The following LGR6 variants were observed in gnomAD, a reference collection of about 807,000 sequenced individuals.
LGR6 encodes leucine rich repeat containing G protein-coupled receptor 6.
A neutral mutation model predicts 69.4 loss-of-function variants in LGR6; 45 were observed. That is an observed-to-expected ratio of 0.65 (90% CI 0.51 to 0.83). The LOEUF is 0.83. LGR6 is among the 40% of genes least tolerant of loss of function. The probability of loss-of-function intolerance (pLI) is 0.00; values close to 1 mark genes in which losing one functional copy is unlikely to be tolerated. For synonymous variants in LGR6, 538 were observed against 555.0 expected (o/e 0.97, Z 0.43); for missense variants, 1,108 against 1,246.7 (o/e 0.89, Z 1.68).
At chr1:202,284,542 A>AGGTACC (rs1238935454) in intron 6 of LGR6, among the ~76,000 whole-genome samples, 1 of 152,192 alleles carries the variant, frequency 6.6e-6, no homozygotes, top group Non-Finnish European at 1.5e-5. Context: ...CAGATCAATC[A>AGGTACC]TAGGACTTCC....
At position 202,243,882 on chromosome 1, in the gene LGR6, G is replaced by A. The variant is rs143195836; in HGVS notation, c.428+7889G>A. 5.9e-5 allele frequency among the ~76,000 whole-genome samples: 9 copies of A among 152,280 alleles called. No individual in the cohort carries two copies. In the East Asian group the frequency reaches 1.2e-3, roughly 20 times the overall value. On this transcript the variant is annotated intron_variant, in intron 4 of 17. Coordinates refer to ENST00000367278, the MANE Select transcript of LGR6 (RefSeq NM_001017403.2). ...CATGGGGTTGGTGGTAGGGGCAGGC[G>A]GCGACAAGGAAATTGTCCTTGGGTG...
At chr1:202,227,907 C>T in intron 2 of LGR6, 29 bp from the exon 3 acceptor site, 1 of 1,571,026 alleles carries the variant, frequency 6.4e-7, no homozygotes, top group Non-Finnish European at 8.8e-7. Flanking sequence ...TACCTGCCAA[C>T]ATCGCTGACC....
intron 6 of LGR6, among the ~76,000 whole-genome samples, chr1:202,290,417 A>T (rs2148217465): frequency 1.3e-5 from 2 of 152,208 alleles, no homozygotes; most frequent in African/African-American, 2.4e-5. Context: ...TCTCCCTAAA[A>T]TTTTTTTGTT....
intron 1 of LGR6, among the ~76,000 whole-genome samples, chr1:202,224,751 C>T (rs1660394869): frequency 6.6e-6 from 1 of 152,180 alleles, no homozygotes; most frequent in South Asian, 2.1e-4. Context: ...TGCTCACCAG[C>T]CTGCTCACCT....
At chr1:202,299,916 C>G (rs1281905241) in intron 7 of LGR6, among the ~76,000 whole-genome samples, 1 of 152,204 alleles carries the variant, frequency 6.6e-6, no homozygotes, top group Non-Finnish European at 1.5e-5. Flanking sequence ...CCCAACTAAC[C>G]AAACACATAA....
intron 16 of LGR6, among the ~76,000 whole-genome samples, chr1:202,313,828 C>T (rs1294757452): frequency 1.3e-5 from 2 of 152,144 alleles, no homozygotes; most frequent in Non-Finnish European, 2.9e-5. Context: ...AAAAATTTGT[C>T]TTTTCTTTAT....
chr1:202,316,106 A>T (rs775073426), intron 17 of LGR6, among the ~76,000 whole-genome samples: 2 of 152,256 alleles, frequency 1.3e-5, no homozygotes, highest in Admixed American at 6.5e-5. Flanking sequence ...TGACTTAAAG[A>T]GAACGAGAAA....
chr1:202,302,398 G>A (rs1212326944), intron 9 of LGR6, among the ~76,000 whole-genome samples: 1 of 152,102 alleles, frequency 6.6e-6, no homozygotes, highest in Non-Finnish European at 1.5e-5. Context: ...ACCCCACGCT[G>A]CCTCCTCAGG....
chr1:202,313,647 A>AT (rs1279986544), intron 16 of LGR6, among the ~76,000 whole-genome samples: 1 of 152,248 alleles, frequency 6.6e-6, no homozygotes, highest in Non-Finnish European at 1.5e-5. Flanking sequence ...CTGGTGCCGA[A>AT]TAAGAACTCA....
intron 5 of LGR6, among the ~76,000 whole-genome samples, chr1:202,278,684 A>G (rs550331031): frequency 6.6e-6 from 1 of 152,254 alleles, no homozygotes; most frequent in South Asian, 2.1e-4. Context: ...CCCAAGAGGA[A>G]GGTAAGGAAG....
At chr1:202,224,042 G>A (rs769925171) in intron 1 of LGR6, among the ~76,000 whole-genome samples, 9 of 151,940 alleles carry the variant, frequency 5.9e-5, no homozygotes, top group Non-Finnish European at 1.2e-4. Context: ...TTATAGATGA[G>A]GTCAACTAGG....
At chr1:202,204,442 CA>C (rs1405551796) in intron 1 of LGR6, among the ~76,000 whole-genome samples, 25 of 92,170 alleles carry the variant, frequency 2.7e-4, no homozygotes, top group Non-Finnish European at 3.4e-4. Context: ...CACACACACA[CA>C]CCTCCACACA....
At chr1:202,300,388 T>C (rs1255624425) in intron 7 of LGR6, among the ~76,000 whole-genome samples, 2 of 152,158 alleles carry the variant, frequency 1.3e-5, no homozygotes, top group Admixed American at 1.3e-4. Context: ...GTGCAGTGGC[T>C]CACACCTGTA....
At chr1:202,198,181 C>T (rs1658709960) in intron 1 of LGR6, among the ~76,000 whole-genome samples, 1 of 151,886 alleles carries the variant, frequency 6.6e-6, no homozygotes, top group Non-Finnish European at 1.5e-5. Context: ...GGGTAATTTG[C>T]AGGGGATGTC....
At chr1:202,198,526 T>C (rs1658719758) in intron 1 of LGR6, among the ~76,000 whole-genome samples, 1 of 152,290 alleles carries the variant, frequency 6.6e-6, no homozygotes, top group Non-Finnish European at 1.5e-5. Flanking sequence ...GAGGAAGTCC[T>C]GGAGCTAGCA....
chr1:202,276,114 A>G (rs1047157462), intron 4 of LGR6, among the ~76,000 whole-genome samples, 192 bp from the exon 5 acceptor site: 2 of 152,212 alleles, frequency 1.3e-5, no homozygotes, highest in African/African-American at 4.8e-5. Flanking sequence ...CAAAAAAAGA[A>G]CTATGGGTTG....
intron 4 of LGR6, among the ~76,000 whole-genome samples, chr1:202,264,380 C>T (rs1049222700): frequency 6.6e-6 from 1 of 152,196 alleles, no homozygotes; most frequent in Admixed American, 6.5e-5. Flanking sequence ...TTCCCTAAGC[C>T]TCTGACATCA....
chr1:202,235,779 G>A, intron 3 of LGR6, 143 bp from the exon 4 acceptor site: 1 of 674,070 alleles, frequency 1.5e-6, no homozygotes, highest in East Asian at 2.7e-5. Context: ...AGGGGAGCTG[G>A]ACCAGACTCT....
chr1:202,294,112 C>T (rs894727649), intron 6 of LGR6, among the ~76,000 whole-genome samples: 3 of 152,224 alleles, frequency 2.0e-5, no homozygotes, highest in Non-Finnish European at 4.4e-5. Flanking sequence ...TGTAGATTCT[C>T]TTAAGAGTCC....
Sources: gnomAD v4.1 joint callset for allele counts (sites outside exome capture counted in the v4.1 genomes callset) on GRCh38, gnomAD v4.1.1 for gene constraint, MANE v1.5 for transcripts, NCBI Gene and HGNC (gene_info 2026-07-23, HGNC 2026-07-21) for gene names.